The following NFIB variants were observed in gnomAD, a reference collection of about 807,000 sequenced individuals.
NFIB encodes the protein nuclear factor 1 B-type.
A neutral mutation model predicts 61.5 loss-of-function variants in NFIB; 11 were observed. The observed-to-expected ratio is 0.18, with a 90% CI of 0.11 to 0.30. NFIB has a LOEUF of 0.30. Among genes scored for constraint, NFIB ranks in the 10% least tolerant of loss-of-function variants. NFIB has a pLI of 1.00. For missense variants in NFIB, 471 were observed against 608.9 expected (o/e 0.77, Z 2.38); for synonymous variants, 260 against 216.5 (o/e 1.20, Z -1.76).
chr9:14,284,354 T>C (rs1272436856), intron 2 of NFIB, among the ~76,000 whole-genome samples: 1 of 152,200 alleles, frequency 6.6e-6, no homozygotes, highest in Non-Finnish European at 1.5e-5. Flanking sequence ...GATCTTTCCA[T>C]ACATCTTCTT....
the NFIB span, among the ~76,000 whole-genome samples, chr9:14,457,923 A>G: frequency 1.3e-5 from 2 of 152,228 alleles, no homozygotes; most frequent in South Asian, 4.1e-4. Flanking sequence ...TTCACAGCCA[A>G]ATTCTACCAG....
At chr9:14,238,398 A>T (rs542355500) in intron 2 of NFIB, among the ~76,000 whole-genome samples, 1 of 152,274 alleles carries the variant, frequency 6.6e-6, no homozygotes, top group African/African-American at 2.4e-5. Context: ...AGAGTTTAAT[A>T]CGTAAGGTTA....
intron 9 of NFIB, among the ~76,000 whole-genome samples, chr9:14,113,329 G>A (rs2037664569): frequency 6.6e-6 from 1 of 152,158 alleles, no homozygotes; most frequent in Non-Finnish European, 1.5e-5. Flanking sequence ...CAGTGTGGGT[G>A]TCTCACACTT....
At chr9:14,116,799 T>G (rs2038214319) in intron 8 of NFIB, among the ~76,000 whole-genome samples, 1 of 152,228 alleles carries the variant, frequency 6.6e-6, no homozygotes, top group South Asian at 2.1e-4. Flanking sequence ...CATGATGATA[T>G]CACTGAAACA....
At chr9:14,175,418 C>T (rs2046077154) in intron 3 of NFIB, among the ~76,000 whole-genome samples, 1 of 152,082 alleles carries the variant, frequency 6.6e-6, no homozygotes, top group Non-Finnish European at 1.5e-5. Context: ...TCGTGATCCA[C>T]TCGCCTCGGC....
intron 1 of NFIB, among the ~76,000 whole-genome samples, chr9:14,382,185 G>A (rs2061495728): frequency 6.6e-6 from 1 of 152,194 alleles, no homozygotes. Context: ...TCCTAAAAAA[G>A]TTATAAAGTC....
In NFIB at chr9:14,260,377, C is replaced by G. The variant is rs2056633149; in HGVS notation, c.562+46612G>C. ...ACTATGAAATGTGACCAAAGTCTTC[C>G]AGACAAAATTGCTTTTCAGTCATGT... On this transcript the variant is annotated intron_variant, in intron 2 of 10. Coordinates refer to ENST00000380953, the MANE Select transcript of NFIB (RefSeq NM_001190737.2). Among the ~76,000 whole-genome samples the G allele has an allele frequency of 2.0e-5, 3 of 152,192 alleles. No homozygotes were observed. The South Asian group carries it at 6.2e-4, about 32-fold the overall frequency.
At chr9:14,220,535 G>A (rs921944091) in intron 2 of NFIB, among the ~76,000 whole-genome samples, 4 of 152,062 alleles carry the variant, frequency 2.6e-5, no homozygotes, top group South Asian at 2.1e-4. Context: ...CAGGAGCCCC[G>A]CCTGGGAGCC....
At chr9:14,474,014 C>A in the NFIB span, among the ~76,000 whole-genome samples, 15 of 152,286 alleles carry the variant, frequency 9.8e-5, no homozygotes, top group Admixed American at 3.3e-4. Flanking sequence ...AGATGAACTG[C>A]ACAACCCTGA....
At chr9:14,348,558 C>A (rs183441482) in intron 1 of NFIB, among the ~76,000 whole-genome samples, 1 of 152,336 alleles carries the variant, frequency 6.6e-6, no homozygotes, top group Non-Finnish European at 1.5e-5. Flanking sequence ...ACGGCACAGG[C>A]GGCCCAGCCT....
At chr9:14,353,671 G>A (rs928252403) in intron 1 of NFIB, among the ~76,000 whole-genome samples, 2 of 152,098 alleles carry the variant, frequency 1.3e-5, no homozygotes, top group Non-Finnish European at 2.9e-5. Flanking sequence ...CCGACTGGCC[G>A]CCGATGCCTG....
intron 1 of NFIB, among the ~76,000 whole-genome samples, chr9:14,320,620 T>C (rs550820619): frequency 2.0e-5 from 3 of 152,226 alleles, no homozygotes; most frequent in Non-Finnish European, 2.9e-5. Flanking sequence ...CTTTTCTTCA[T>C]ATTGTAAATA....
upstream of NFIB, chr9:14,314,482 C>T (rs1484633375): frequency 6.6e-6 from 1 of 152,204 alleles, no homozygotes; most frequent in East Asian, 1.9e-4. Context: ...CCTCTCTTTT[C>T]TGCTCTAGGC....
rs1309720535 is a variant in NFIB at position 14,313,943 on chromosome 9, G to A, written c.-432C>T. The A allele has an allele frequency of 8.5e-6, 9 of 1,062,688 alleles. No individual in the cohort carries two copies. The highest frequency in any genetic ancestry group is 1.0e-5 in the Non-Finnish European group (9 of 879,988). The allele number at this position is 1,062,688 out of a possible 1,614,324, so 65.8% of individuals were successfully genotyped here. On this transcript the variant is annotated 5_prime_UTR_variant, in exon 1 of 11. Transcript: ENST00000380953. The surrounding 1 kb of genome is among the most constrained non-coding windows in gnomAD (Gnocchi z 4.5). ...GGTGGTAAAATGCTTTTTCAAAAAAGGCGGGGAGGGGGGCGCGGGAGGGCG... is the reference window on the plus strand; with the variant it reads ...GGTGGTAAAATGCTTTTTCAAAAAAAGCGGGGAGGGGGGCGCGGGAGGGCG...
At chr9:14,392,044 C>A (rs765203355) in intron 1 of NFIB, among the ~76,000 whole-genome samples, 2 of 152,082 alleles carry the variant, frequency 1.3e-5, no homozygotes, top group Admixed American at 6.5e-5. Context: ...ACCCATCACC[C>A]GGTATAATCA....
chr9:14,227,880 C>T (rs1285117098), intron 2 of NFIB, among the ~76,000 whole-genome samples: 1 of 152,286 alleles, frequency 6.6e-6, no homozygotes, highest in Non-Finnish European at 1.5e-5. Flanking sequence ...GCCACTCAAC[C>T]TCTCAGTATT....
chr9:14,466,411 G>A, the NFIB span, among the ~76,000 whole-genome samples: 3 of 152,150 alleles, frequency 2.0e-5, no homozygotes, highest in East Asian at 5.8e-4. Context: ...GGGGTGTGCA[G>A]ATGGAAGGTC....
intron 10 of NFIB, among the ~76,000 whole-genome samples, chr9:14,100,311 T>C (rs977805644): frequency 2.0e-5 from 3 of 152,220 alleles, no homozygotes; most frequent in African/African-American, 7.2e-5. Flanking sequence ...AATACTGCCC[T>C]AAGAACTGAG....
chr9:14,181,261 C>T (rs2046739324), intron 2 of NFIB, among the ~76,000 whole-genome samples: 1 of 152,116 alleles, frequency 6.6e-6, no homozygotes, highest in African/African-American at 2.4e-5. Context: ...TGGTTTTATT[C>T]TAGAACAGAT....
Sources: allele counts gnomAD v4.1 joint callset (sites outside exome capture counted in the v4.1 genomes callset), GRCh38; gene constraint gnomAD v4.1.1; non-coding constraint Gnocchi (gnomAD v3.1); transcripts MANE v1.5; gene names NCBI Gene and HGNC (gene_info 2026-07-23, HGNC 2026-07-21).